Variants in DGKH observed in about 807,000 individuals in gnomAD.
DGKH encodes the protein DAG kinase eta.
Under a neutral mutation model 159.3 loss-of-function variants are expected in DGKH, and 90 were observed. The ratio of observed to expected loss-of-function variants is 0.57; its 90% CI spans 0.48 to 0.67. The LOEUF (loss-of-function observed/expected upper bound fraction) is 0.67, where lower values mean the gene tolerates loss of function less well. DGKH is among the 30% of genes least tolerant of loss of function. The pLI is 0.00. For missense variants in DGKH, 1,181 were observed against 1,506.1 expected, an observed-to-expected ratio of 0.78 and a Z score of 3.57; for synonymous variants, 536 against 553.8, an observed-to-expected ratio of 0.97 and a Z score of 0.45.
intron 2 of DGKH, among the ~76,000 whole-genome samples, chr13:42,128,918 C>T (rs924082090): frequency 1.1e-4 from 17 of 152,144 alleles, no homozygotes; most frequent in African/African-American, 4.1e-4. Context: ...CACCGTTATC[C>T]CTGCCTTGCT....
chr13:42,183,813 G>A (rs1439139933), intron 13 of DGKH, among the ~76,000 whole-genome samples: 1 of 152,168 alleles, frequency 6.6e-6, no homozygotes, highest in Non-Finnish European at 1.5e-5. Flanking sequence ...TATTAAATAA[G>A]TTGTCTTTAG....
rs184056573 is a variant in DGKH, at chr13:42,178,391, T to C, written c.1538+171T>C. ...ATTTTTAAAAATCATGTTAGCATCT[T>C]ATTTGCAGTGGTGTATACTTAGAGG... On this transcript the variant is annotated intron_variant, in intron 13 of 29. Coordinates refer to ENST00000337343, the MANE Select transcript of DGKH (RefSeq NM_178009.5). 2.9e-3 allele frequency among the ~76,000 whole-genome samples: 441 copies of C among 152,326 alleles called. 1 individual carries two copies. The highest frequency in any genetic ancestry group is 0.01 in the African/African-American group (429 of 41,570).
At chr13:42,100,163 G>A (rs1169946155) in intron 1 of DGKH, among the ~76,000 whole-genome samples, 2 of 152,184 alleles carry the variant, frequency 1.3e-5, no homozygotes, top group African/African-American at 4.8e-5. Flanking sequence ...TGTCAGATCT[G>A]CAGCGGCATT....
intron 7 of DGKH, among the ~76,000 whole-genome samples, chr13:42,161,646 G>A (rs1956181911): frequency 6.6e-6 from 1 of 152,076 alleles, no homozygotes; most frequent in Non-Finnish European, 1.5e-5. Context: ...TGGGCGTGGT[G>A]GTGGGCGCCT....
In DGKH at chr13:42,159,903, G is replaced by A; in HGVS notation, c.730-108G>A. 4 of 1,517,068 alleles carry A rather than the reference G, an allele frequency of 2.6e-6. No homozygotes were observed. The Admixed American group carries it at 5.5e-5, about 21-fold the overall frequency. 94.0% of individuals were successfully genotyped at this position (1,517,068 alleles called of 1,614,324 possible). A position where few individuals can be genotyped will look rare whatever the true frequency, so the allele number is the denominator to read the frequency against. On this transcript the variant is annotated intron_variant, in intron 6 of 29. Transcript: ENST00000337343. Reference sequence around the variant, plus strand: ...GGGTAAATGAGTGAATGCTATGCATGAAACGTACTACTGACCCTCTAGAGT... The same window carrying A: ...GGGTAAATGAGTGAATGCTATGCATAAAACGTACTACTGACCCTCTAGAGT...
chr13:42,198,606 G>T lies in DGKH; in HGVS notation c.2285+11G>T, dbSNP rs747708097. On this transcript the variant is annotated intron_variant, in intron 18 of 29. Coordinates refer to ENST00000337343, the MANE Select transcript of DGKH (RefSeq NM_178009.5). ...GGATCTAGATTCCGTGTAAGAAAAT[G>T]CTTTTGCAAATATTTTGTTTGGGTT... 2 of 1,590,916 alleles carry T rather than the reference G, an allele frequency of 1.3e-6. No individual in the cohort carries two copies. Among genetic ancestry groups the T allele is most frequent in the Non-Finnish European group, 8.5e-7 (1 of 1,170,422 alleles).
intron 3 of DGKH, among the ~76,000 whole-genome samples, chr13:42,136,251 G>C (rs1299704333): frequency 1.3e-5 from 2 of 152,206 alleles, no homozygotes; most frequent in Non-Finnish European, 1.5e-5. Context: ...GAATTTGGAA[G>C]AAGAATGTGG....
intron 26 of DGKH, among the ~76,000 whole-genome samples, chr13:42,216,919 G>A (rs1375993333): frequency 6.6e-6 from 1 of 152,030 alleles, no homozygotes; most frequent in Non-Finnish European, 1.5e-5. Context: ...AATTTATTCT[G>A]TACTTATTTT....
In DGKH at chr13:42,252,324, A is replaced by G. The variant is rs572618231; in HGVS notation, n.4055-85A>G. The G allele has an allele frequency of 3.9e-5, 6 of 152,068 alleles. No homozygotes were observed. In the East Asian group the frequency reaches 9.7e-4, roughly 25 times the overall value. The allele number at this position is 152,068 out of a possible 1,614,324, so 9.4% of individuals were successfully genotyped here. ...CTAATAAAAGCATGTAGAATTGTCTATTTTTCTGTAAGTACTACTTTAGCT... is the reference window on the plus strand; with the variant it reads ...CTAATAAAAGCATGTAGAATTGTCTGTTTTTCTGTAAGTACTACTTTAGCT... On this transcript the variant is annotated intron_variant and non_coding_transcript_variant, in intron 29 of 30. Transcript: ENST00000498255.
At chr13:42,066,636 A>G (rs1231816862) in intron 1 of DGKH, 1 of 152,162 alleles carries the variant, frequency 6.6e-6, no homozygotes, top group Non-Finnish European at 1.5e-5. Flanking sequence ...GAGTTGCCCA[A>G]TGTGCACATT....
At position 42,191,023 on chromosome 13, in the gene DGKH, C is replaced by T. The variant is rs1052441929; in HGVS notation, c.2035+498C>T. Among the ~76,000 whole-genome samples the T allele has an allele frequency of 7.2e-5, 11 of 152,186 alleles. No homozygotes were observed. The South Asian group carries it at 2.1e-3, about 29-fold the overall frequency. On this transcript the variant is annotated intron_variant, in intron 16 of 29. Coordinates refer to ENST00000337343, the MANE Select transcript of DGKH (RefSeq NM_178009.5). Reference sequence around the variant, plus strand: ...CAAAATCATAGGACTTTAAAGCAAGCGTTAAAATCACTGGACTTCTAATTA... The same window carrying T: ...CAAAATCATAGGACTTTAAAGCAAGTGTTAAAATCACTGGACTTCTAATTA...
downstream of DGKH, among the ~76,000 whole-genome samples, chr13:42,244,760 C>T (rs1184813193): frequency 3.3e-5 from 5 of 151,106 alleles, no homozygotes; most frequent in South Asian, 2.1e-4. Flanking sequence ...AAAAATTAGC[C>T]GGGCGTAGTG....
At chr13:42,222,923 A>C (rs1342565737) in intron 29 of DGKH, among the ~76,000 whole-genome samples, 4 of 152,206 alleles carry the variant, frequency 2.6e-5, no homozygotes, top group African/African-American at 9.7e-5. Context: ...ACTAAGGCAA[A>C]GTTAGAAAAG....
intron 24 of DGKH, among the ~76,000 whole-genome samples, chr13:42,212,340 G>C (rs1957676984): frequency 6.6e-6 from 1 of 152,150 alleles, no homozygotes; most frequent in Non-Finnish European, 1.5e-5. Flanking sequence ...GGGCAGCTCA[G>C]AAGAAAGGGA....
chr13:42,246,609 G>A (rs539517607), downstream of DGKH, among the ~76,000 whole-genome samples: 147 of 152,256 alleles, frequency 9.7e-4, no homozygotes, highest in African/African-American at 3.4e-3. Context: ...CATTTTGGAT[G>A]AATGTGGGCA....
chr13:42,159,228 C>G, intron 5 of DGKH, 38 bp from the exon 6 acceptor site: 1 of 941,864 alleles, frequency 1.1e-6, no homozygotes, highest in Non-Finnish European at 1.4e-6. Context: ...TTCTTGTCCA[C>G]TTAAAAGCAG....
chr13:42,189,490 G>A (rs1272039735), intron 15 of DGKH, among the ~76,000 whole-genome samples, 181 bp downstream of exon 15: 1 of 152,036 alleles, frequency 6.6e-6, no homozygotes, highest in Non-Finnish European at 1.5e-5. Flanking sequence ...TATGGTAGTA[G>A]TAAGAATCAG....
intron 1 of DGKH, among the ~76,000 whole-genome samples, chr13:42,073,854 A>G (rs1353910209): frequency 6.6e-6 from 1 of 152,200 alleles, no homozygotes; most frequent in Non-Finnish European, 1.5e-5. Flanking sequence ...CATTGAGCTG[A>G]GTATTGAAAT....
rs762621854 is a variant in DGKH, at chr13:42,165,232, G to A, written c.856-99G>A. On this transcript the variant is annotated intron_variant, in intron 7 of 29. Transcript: ENST00000337343. Reference sequence around the variant, plus strand: ...TAGTTTATGAATTACTGAACATTTTGTGGTACAGTTGATTCTAGATTATCA... The same window carrying A: ...TAGTTTATGAATTACTGAACATTTTATGGTACAGTTGATTCTAGATTATCA... 510 of 550,336 alleles carry A rather than the reference G, an allele frequency of 9.3e-4. 1 individual carries two copies. Among genetic ancestry groups the A allele is most frequent in the Non-Finnish European group, 9.6e-4 (305 of 319,220 alleles). 34.1% of individuals were successfully genotyped at this position (550,336 alleles called of 1,614,324 possible). A position where few individuals can be genotyped will look rare whatever the true frequency, so the allele number is the denominator to read the frequency against.
Sources: allele counts gnomAD v4.1 joint callset (sites outside exome capture counted in the v4.1 genomes callset), GRCh38; gene constraint gnomAD v4.1.1; transcripts MANE v1.5; gene names NCBI Gene and HGNC (gene_info 2026-07-23, HGNC 2026-07-21).